COBLL1: variants seen among roughly 807,000 people sequenced by gnomAD.
COBLL1 encodes the protein cordon-bleu protein-like 1.
A neutral mutation model predicts 94.8 loss-of-function variants in COBLL1; 50 were observed. The ratio of observed to expected loss-of-function variants is 0.53; its 90% CI spans 0.42 to 0.67. The LOEUF is 0.67. Ranked by LOEUF, COBLL1 falls within the 30% of genes least tolerant of loss-of-function variation. The pLI, the probability that COBLL1 is intolerant of heterozygous loss-of-function variation, is 0.00. For synonymous variants in COBLL1, 448 were observed against 473.8 expected (o/e 0.95, Z 0.71); for missense variants, 1,362 against 1,348.7 (o/e 1.01, Z -0.15).
chr2:164,699,600 T>A (rs1684144346), intron 10 of COBLL1, 101 bp from the exon 11 acceptor site: 1 of 667,768 alleles, frequency 1.5e-6, no homozygotes, highest in Non-Finnish European at 2.7e-6. Context: ...CAGGCAATAA[T>A]TTCCAAAGAC....
intron 9 of COBLL1, among the ~76,000 whole-genome samples, chr2:164,704,235 A>G (rs925332977): frequency 1.4e-4 from 22 of 152,186 alleles, no homozygotes; most frequent in African/African-American, 5.3e-4. Flanking sequence ...TCCAGAACTG[A>G]AATTTTGATC....
At chr2:164,743,004 A>C (rs528485500) in intron 3 of COBLL1, among the ~76,000 whole-genome samples, 1 of 152,310 alleles carries the variant, frequency 6.6e-6, no homozygotes, top group East Asian at 1.9e-4. Context: ...AGTGAAATGG[A>C]AAATTACACT....
In COBLL1 at chr2:164,683,418, G is replaced by A. The variant is rs1683135060; in HGVS notation, c.*2528C>T. 2 of 151,910 alleles carry A rather than the reference G, an allele frequency of 1.3e-5. No homozygotes were observed. Among genetic ancestry groups the A allele is most frequent in the Admixed American group, 6.6e-5 (1 of 15,234 alleles). 9.4% of individuals were successfully genotyped at this position (151,910 alleles called of 1,614,324 possible). A position where few individuals can be genotyped will look rare whatever the true frequency, so the allele number is the denominator to read the frequency against. On this transcript the variant is annotated 3_prime_UTR_variant, in exon 14 of 14. Transcript: ENST00000652658. ...GCACATGTTCTCCTAAAATGGTGTC[G>A]ATAAGGCAACTTTTCAGAACATACA...
At chr2:164,772,381 C>T (rs1486080385) in intron 2 of COBLL1, among the ~76,000 whole-genome samples, 1 of 151,962 alleles carries the variant, frequency 6.6e-6, no homozygotes, top group Non-Finnish European at 1.5e-5. Context: ...TTTAGAAACA[C>T]AGCCCTTGTT....
At chr2:164,686,717 A>G (rs755201332) in intron 13 of COBLL1, among the ~76,000 whole-genome samples, 2 of 152,160 alleles carry the variant, frequency 1.3e-5, no homozygotes, top group Non-Finnish European at 2.9e-5. Context: ...ATAGTGTGAA[A>G]TTCCAGCTTT....
At chr2:164,688,504 TA>T (rs1202944634) in intron 13 of COBLL1, among the ~76,000 whole-genome samples, 7 of 152,148 alleles carry the variant, frequency 4.6e-5, no homozygotes, top group Non-Finnish European at 8.8e-5. Context: ...TACAGATACT[TA>T]AAAAAACAGC....
chr2:164,701,166 A>C (rs147680824), intron 9 of COBLL1, among the ~76,000 whole-genome samples: 2 of 152,332 alleles, frequency 1.3e-5, no homozygotes, highest in African/African-American at 4.8e-5. Flanking sequence ...TATTGTCTAC[A>C]AGGGCACTCA....
intron 2 of COBLL1, among the ~76,000 whole-genome samples, chr2:164,661,262 A>T (rs1458023513): frequency 2.6e-5 from 4 of 152,096 alleles, no homozygotes; most frequent in African/African-American, 4.8e-5. Context: ...GTTTAAAAAA[A>T]TGATAACCAG....
chr2:164,805,337 CTATATATATA>C (rs71028444), intron 2 of COBLL1, among the ~76,000 whole-genome samples: 1 of 17,054 alleles, frequency 5.9e-5, no homozygotes, highest in East Asian at 1.1e-3. Context: ...CTCTCTCTCT[CTATATATATA>C]TATATATATA....
chr2:164,695,213 G>A lies in COBLL1; in HGVS notation c.2179C>T (p.Pro727Ser). Residue 727 changes from proline to serine, a missense_variant, in exon 12 of 14, where the codon CCC becomes TCC. By Grantham distance (74) the Pro-to-Ser change is moderately conservative. Coordinates refer to ENST00000652658, the MANE Select transcript of COBLL1 (RefSeq NM_001365672.2). ...TTATAAGTAGTCATGCCAATTTTGG[G>A]TATATACTCTCGTGTAATTTCATTT... is the stretch of plus-strand genomic sequence containing the variant. ...PSNEITREYI[P>S]KIGMTTYKIV... is the part of the protein sequence containing the mutation. 2 of 1,613,912 alleles carry A rather than the reference G, an allele frequency of 1.2e-6. No homozygotes were observed. Among genetic ancestry groups the A allele is most frequent in the East Asian group, 2.2e-5 (1 of 44,862 alleles).
At chr2:164,783,899 G>C (rs537329695) in intron 2 of COBLL1, among the ~76,000 whole-genome samples, 1 of 152,208 alleles carries the variant, frequency 6.6e-6, no homozygotes, top group Admixed American at 6.5e-5. Flanking sequence ...CTGGGAGATC[G>C]AGCCTTCAGT....
intron 2 of COBLL1, among the ~76,000 whole-genome samples, chr2:164,825,962 A>C (rs1442369251): frequency 6.6e-6 from 1 of 152,182 alleles, no homozygotes; most frequent in Non-Finnish European, 1.5e-5. Context: ...CCATGTGTAA[A>C]AAAAGTATAT....
intron 4 of COBLL1, among the ~76,000 whole-genome samples, chr2:164,728,462 C>T (rs1165816234): frequency 1.3e-5 from 2 of 151,938 alleles, no homozygotes; most frequent in Non-Finnish European, 2.9e-5. Flanking sequence ...AAAAAACTAG[C>T]CTCATATCTA....
chr2:164,748,151 T>C (rs1005670055), intron 2 of COBLL1, among the ~76,000 whole-genome samples: 2 of 152,134 alleles, frequency 1.3e-5, no homozygotes, highest in African/African-American at 2.4e-5. Context: ...TAGTTCCCAA[T>C]TGTGATCCAT....
At chr2:164,665,313 A>T (rs1691137540) in intron 2 of COBLL1, among the ~76,000 whole-genome samples, 1 of 140,726 alleles carries the variant, frequency 7.1e-6, no homozygotes, top group African/African-American at 2.7e-5. Context: ...CTGGGGTGAC[A>T]GAGCAAGATT....
At chr2:164,805,855 T>C (rs1330041547) in intron 2 of COBLL1, among the ~76,000 whole-genome samples, 1 of 152,168 alleles carries the variant, frequency 6.6e-6, no homozygotes, top group Admixed American at 6.5e-5. Context: ...CTAAGGAACA[T>C]GATTGCTGGA....
intron 2 of COBLL1, among the ~76,000 whole-genome samples, chr2:164,780,548 T>C (rs1688681973): frequency 6.6e-6 from 1 of 152,182 alleles, no homozygotes; most frequent in East Asian, 1.9e-4. Flanking sequence ...CAATAATGAA[T>C]AATTTAACAT....
chr2:164,763,778 G>A (rs1687806714), intron 2 of COBLL1, among the ~76,000 whole-genome samples: 1 of 152,172 alleles, frequency 6.6e-6, no homozygotes, highest in Admixed American at 6.5e-5. Flanking sequence ...TAGAAACAAT[G>A]TCAAGATAAA....
chr2:164,838,813 ATAAT>A (rs1417730140), intron 2 of COBLL1, among the ~76,000 whole-genome samples: 2 of 152,248 alleles, frequency 1.3e-5, no homozygotes, highest in African/African-American at 2.4e-5. Flanking sequence ...GAGTTATGAT[ATAAT>A]TAGTCAGTTT....
Sources: gnomAD v4.1 joint callset for allele counts (sites outside exome capture counted in the v4.1 genomes callset) on GRCh38, gnomAD v4.1.1 for gene constraint, MANE v1.5 for transcripts, NCBI Gene and HGNC (gene_info 2026-07-23, HGNC 2026-07-21) for gene names.